Variants in DPF3 observed in about 807,000 individuals in gnomAD.
The protein encoded by DPF3 is zinc finger protein DPF3.
In DPF3, 18 loss-of-function variants were observed where a neutral mutation model predicts 56.8. That is an observed-to-expected ratio of 0.32 (90% CI 0.22 to 0.47). The LOEUF is 0.47. Among genes scored for constraint, DPF3 ranks in the 20% least tolerant of loss-of-function variants. DPF3 has a pLI of 1.00. For synonymous variants in DPF3, 188 were observed against 180.2 expected, an observed-to-expected ratio of 1.04 and a Z score of -0.35; for missense variants, 403 against 488.8, an observed-to-expected ratio of 0.82 and a Z score of 1.65.
chr14:72,833,649 C>T (rs1884159291), intron 1 of DPF3, among the ~76,000 whole-genome samples: 1 of 152,140 alleles, frequency 6.6e-6, no homozygotes, highest in Non-Finnish European at 1.5e-5. Context: ...AAGACCTAGG[C>T]CTGCTTTTAA....
At chr14:72,817,428 G>T (rs891907032) in intron 1 of DPF3, among the ~76,000 whole-genome samples, 2 of 152,134 alleles carry the variant, frequency 1.3e-5, no homozygotes, top group Non-Finnish European at 1.5e-5. Context: ...AGGCCAAGGT[G>T]GGTGGATCAC....
At chr14:72,725,744 G>T (rs879010295) in intron 4 of DPF3, among the ~76,000 whole-genome samples, 1 of 152,010 alleles carries the variant, frequency 6.6e-6, no homozygotes, top group Admixed American at 6.5e-5. Context: ...GACACCTCTG[G>T]CCTGTCCTCA....
chr14:72,646,990 C>T (rs577161351), intron 8 of DPF3, among the ~76,000 whole-genome samples: 37 of 152,308 alleles, frequency 2.4e-4, no homozygotes, highest in African/African-American at 7.9e-4. Flanking sequence ...CTGCTGCCAG[C>T]GTCTCCTGGG....
chr14:72,737,018 T>C (rs565232695), intron 3 of DPF3, among the ~76,000 whole-genome samples: 13 of 151,664 alleles, frequency 8.6e-5, no homozygotes, highest in Admixed American at 5.9e-4. Flanking sequence ...CTACTTCTAA[T>C]TGGGAACAGA....
intron 2 of DPF3, among the ~76,000 whole-genome samples, chr14:72,756,872 G>GGAAA (rs1890832231): frequency 2.3e-5 from 2 of 85,480 alleles, no homozygotes; most frequent in African/African-American, 1.1e-4. Context: ...AAGAAAGAAA[G>GGAAA]GAAGGAAAGA....
chr14:72,687,780 C>G (rs540465653), intron 7 of DPF3, among the ~76,000 whole-genome samples: 43 of 152,282 alleles, frequency 2.8e-4, no homozygotes, highest in African/African-American at 1.0e-3. Flanking sequence ...AGTCCTAAAG[C>G]TTGAGTATGC....
At chr14:72,658,911 C>T (rs373021865) in intron 8 of DPF3, among the ~76,000 whole-genome samples, 16 of 152,124 alleles carry the variant, frequency 1.1e-4, no homozygotes, top group African/African-American at 3.9e-4. Context: ...AGTTAGGGCA[C>T]TCAAAGCTGA....
At chr14:72,867,414 G>A (rs75598132) in intron 1 of DPF3, among the ~76,000 whole-genome samples, 6,834 of 152,130 alleles carry the variant, frequency 0.045, 239 homozygotes, top group Non-Finnish European at 0.074. Flanking sequence ...GGTCTCTAAG[G>A]TGGTTCCTAG....
chr14:72,613,296 A>T lies in DPF3; in HGVS notation c.*6001T>A, dbSNP rs1228210303. 6.6e-6 allele frequency among the ~76,000 whole-genome samples: 1 copy of T among 152,128 alleles called. No individual in the cohort carries two copies. The highest frequency in any genetic ancestry group is 2.4e-5 in the African/African-American group (1 of 41,430). On this transcript the variant is annotated 3_prime_UTR_variant, in exon 11 of 11. Coordinates refer to ENST00000556509, the MANE Select transcript of DPF3 (RefSeq NM_001280542.3). ...CCCACCATGGCCGCGTTTATTTGCT[A>T]GACAGGGTTGGTGCCAGCCTACAGG...
At chr14:72,857,780 C>T (rs61986334) in intron 1 of DPF3, among the ~76,000 whole-genome samples, 3 of 151,666 alleles carry the variant, frequency 2.0e-5, no homozygotes, top group South Asian at 2.1e-4. Context: ...GTAGAGACGG[C>T]GTTTCACCAT....
intron 1 of DPF3, among the ~76,000 whole-genome samples, chr14:72,832,325 G>A (rs1197918328): frequency 6.6e-6 from 1 of 152,126 alleles, no homozygotes; most frequent in East Asian, 1.9e-4. Context: ...TTGGAAAAGA[G>A]TAGGAATTCC....
chr14:72,727,046 C>A lies in DPF3; in HGVS notation c.430-3318G>T, dbSNP rs113111331. On this transcript the variant is annotated intron_variant, in intron 4 of 10. Transcript: ENST00000556509. ...GCTTCCTTCTTTATATCACATGGAA[C>A]CAAAAGCCACTTCCCTGTCCTGTGG... Among the ~76,000 whole-genome samples the A allele has an allele frequency of 5.8e-3, 877 of 152,300 alleles. 2 individuals are homozygous for A. Among genetic ancestry groups the A allele is most frequent in the Non-Finnish European group, 9.4e-3 (641 of 68,030 alleles).
intron 6 of DPF3, among the ~76,000 whole-genome samples, chr14:72,703,260 G>GGTTGATTCCAAGTCTTTGCTATTGTGA (rs1567205589): frequency 1.3e-5 from 2 of 152,026 alleles, no homozygotes; most frequent in Non-Finnish European, 2.9e-5. Flanking sequence ...AATTCCTTTG[G>GGTTGATTCCAAGTCTTTGCTATTGTGA]ATGGAGACAC....
At chr14:72,649,660 T>TCGGGG (rs1555491965) in intron 8 of DPF3, among the ~76,000 whole-genome samples, 2 of 61,086 alleles carry the variant, frequency 3.3e-5, no homozygotes, top group Non-Finnish European at 7.3e-5. Flanking sequence ...CATCCCTGGG[T>TCGGGG]GGGGGGGGGG....
intron 2 of DPF3, among the ~76,000 whole-genome samples, chr14:72,764,503 T>TTG (rs1891189021): frequency 7.2e-6 from 1 of 138,674 alleles, no homozygotes; most frequent in African/African-American, 2.8e-5. Flanking sequence ...TTTTTTTTTT[T>TTG]TTTTTTTTTT....
At chr14:72,696,872 G>T (rs1036074999) in intron 6 of DPF3, among the ~76,000 whole-genome samples, 1 of 152,200 alleles carries the variant, frequency 6.6e-6, no homozygotes, top group African/African-American at 2.4e-5. Context: ...TGGGGGTGGG[G>T]CCCAGTGATC....
At chr14:72,827,302 A>G (rs1483709924) in intron 1 of DPF3, among the ~76,000 whole-genome samples, 2 of 151,910 alleles carry the variant, frequency 1.3e-5, no homozygotes, top group African/African-American at 4.8e-5. Flanking sequence ...CTAGTTCTGG[A>G]AAAGAAAAGG....
chr14:72,685,573 T>C lies in DPF3; in HGVS notation c.742+7503A>G, dbSNP rs564821512. On this transcript the variant is annotated intron_variant, in intron 7 of 10. Transcript: ENST00000556509. ...ATAAGTAAACTCTCCCAATAAGTGGTACATGACTCATGAATTCACATTCAT... is the reference window on the plus strand; with the variant it reads ...ATAAGTAAACTCTCCCAATAAGTGGCACATGACTCATGAATTCACATTCAT... Among the ~76,000 whole-genome samples, 13 of 152,344 alleles carry C rather than the reference T, an allele frequency of 8.5e-5. No homozygotes were observed. In the South Asian group the frequency reaches 1.9e-3, roughly 22 times the overall value.
intron 3 of DPF3, among the ~76,000 whole-genome samples, chr14:72,743,147 C>T (rs1232366409): frequency 6.6e-6 from 1 of 152,190 alleles, no homozygotes; most frequent in East Asian, 1.9e-4. Context: ...AGAACACTAT[C>T]CCTGGCTGCC....
Sources: gnomAD v4.1 joint callset for allele counts (sites outside exome capture counted in the v4.1 genomes callset) on GRCh38, gnomAD v4.1.1 for gene constraint, MANE v1.5 for transcripts, NCBI Gene and HGNC (gene_info 2026-07-23, HGNC 2026-07-21) for gene names.